Variants in CDH12 observed in about 807,000 individuals in gnomAD.
CDH12 encodes the protein cadherin-12.
A neutral mutation model predicts 74.1 loss-of-function variants in CDH12; 41 were observed. The ratio of observed to expected loss-of-function variants is 0.55; its 90% confidence interval spans 0.43 to 0.72. The LOEUF is 0.72. CDH12 is among the 30% of genes least tolerant of loss of function. The pLI is 0.00. For synonymous variants in CDH12, 399 were observed against 355.0 expected (o/e 1.12, Z -1.39); for missense variants, 945 against 977.2 (o/e 0.97, Z 0.44).
intron 5 of CDH12, among the ~76,000 whole-genome samples, chr5:22,035,477 G>T (rs1264185623): frequency 6.6e-6 from 1 of 151,740 alleles, no homozygotes; most frequent in Non-Finnish European, 1.5e-5. Flanking sequence ...AAAAACATGT[G>T]AAAACTGTAA....
At chr5:21,832,916 AT>A in intron 8 of CDH12, among the ~76,000 whole-genome samples, 1 of 56,104 alleles carries the variant, frequency 1.8e-5, no homozygotes, top group Non-Finnish European at 2.5e-5. Flanking sequence ...ATGATATAAT[AT>A]TAATATATAT....
chr5:22,221,005 CACAG>C (rs960574705), intron 3 of CDH12, among the ~76,000 whole-genome samples: 9 of 151,632 alleles, frequency 5.9e-5, no homozygotes, highest in African/African-American at 1.9e-4. Flanking sequence ...CACACACACA[CACAG>C]ACACACACAG....
At chr5:21,772,770 G>T (rs79044312) in intron 11 of CDH12, among the ~76,000 whole-genome samples, 4,929 of 152,108 alleles carry the variant, frequency 0.032, 188 homozygotes, top group East Asian at 0.15. Context: ...ATATTAAAAA[G>T]AATTTTATCT....
In CDH12 at chr5:21,755,713, C is replaced by T. The variant is rs377360148; in HGVS notation, c.1763G>A (p.Arg588Gln). The T allele has an allele frequency of 1.2e-4, 188 of 1,613,948 alleles. No homozygotes were observed. Among genetic ancestry groups the T allele is most frequent in the Middle Eastern group, 1.6e-4 (1 of 6,084 alleles). ...GCCATCAGAGTCACATCTACAGACT[C>T]GAATAGTCATTGTGTTTGTGCTGCT... Reference protein sequence around the residue: ...VQSSTNTMTIRVCRCDSDGTI... With the variant: ...VQSSTNTMTIQVCRCDSDGTI... Residue 588 changes from arginine (R) to glutamine (Q), a missense_variant, in exon 14 of 15, where the codon CGA becomes CAA. Around this residue, in one of 3 missense-constraint regions of CDH12, gnomAD observed 791 missense variants for 792.8 expected, o/e 1.00. Coordinates refer to ENST00000382254, the MANE Select transcript of CDH12 (RefSeq NM_004061.5).
chr5:21,768,802 G>C (rs376243719), intron 11 of CDH12, among the ~76,000 whole-genome samples: 6 of 152,036 alleles, frequency 3.9e-5, no homozygotes, highest in Non-Finnish European at 1.5e-5. Flanking sequence ...GCCTTGATAC[G>C]AAAACCAATT....
At chr5:22,281,002 G>A (rs572521794) in intron 3 of CDH12, among the ~76,000 whole-genome samples, 1 of 152,272 alleles carries the variant, frequency 6.6e-6, no homozygotes, top group Admixed American at 6.5e-5. Context: ...GAATCCAGCA[G>A]CCCATCAAAA....
intron 5 of CDH12, among the ~76,000 whole-genome samples, chr5:22,051,656 G>A (rs1053408349): frequency 6.6e-6 from 1 of 152,024 alleles, no homozygotes; most frequent in Non-Finnish European, 1.5e-5. Context: ...TACAATAAAA[G>A]AGTCTTTCTT....
At chr5:21,783,013 C>A (rs537312068) in intron 11 of CDH12, among the ~76,000 whole-genome samples, 1 of 152,058 alleles carries the variant, frequency 6.6e-6, no homozygotes, top group African/African-American at 2.4e-5. Context: ...AATTATTTCC[C>A]CTCACCTGGC....
At chr5:22,664,408 G>T (rs749691452) in intron 1 of CDH12, among the ~76,000 whole-genome samples, 13 of 152,118 alleles carry the variant, frequency 8.5e-5, no homozygotes, top group Non-Finnish European at 1.6e-4. Context: ...AGTGCCAAGC[G>T]AAGGGGAGAA....
chr5:22,805,833 G>A (rs887241935), intron 1 of CDH12, among the ~76,000 whole-genome samples: 8 of 151,704 alleles, frequency 5.3e-5, no homozygotes, highest in Admixed American at 3.9e-4. Context: ...GACAGGCCCC[G>A]GTGTGTGATG....
At chr5:22,630,235 A>C (rs556239823) in intron 1 of CDH12, among the ~76,000 whole-genome samples, 1 of 152,196 alleles carries the variant, frequency 6.6e-6, no homozygotes, top group South Asian at 2.1e-4. Flanking sequence ...AACATCATTC[A>C]TCACAGAATT....
chr5:22,301,322 T>C (rs1737870471), intron 3 of CDH12, among the ~76,000 whole-genome samples: 1 of 152,198 alleles, frequency 6.6e-6, no homozygotes, highest in Non-Finnish European at 1.5e-5. Flanking sequence ...ACTATCCACC[T>C]GGCACAGGTC....
At chr5:21,827,405 T>C (rs373739889) in intron 8 of CDH12, among the ~76,000 whole-genome samples, 2 of 152,024 alleles carry the variant, frequency 1.3e-5, no homozygotes, top group Non-Finnish European at 2.9e-5. Flanking sequence ...AAAAAGGTCA[T>C]TAGGAGATGT....
intron 1 of CDH12, among the ~76,000 whole-genome samples, chr5:22,652,995 C>A (rs944945291): frequency 6.6e-6 from 1 of 152,136 alleles, no homozygotes; most frequent in Non-Finnish European, 1.5e-5. Flanking sequence ...TGGGGGAACA[C>A]TAAACACTTG....
chr5:21,952,292 T>C (rs538576526), intron 6 of CDH12, among the ~76,000 whole-genome samples: 54 of 152,264 alleles, frequency 3.5e-4, no homozygotes, highest in African/African-American at 1.2e-3. Flanking sequence ...CTGAGTGTTC[T>C]TAGGTAAAAG....
chr5:22,462,944 A>G (rs1054415771), intron 2 of CDH12, among the ~76,000 whole-genome samples: 1 of 152,206 alleles, frequency 6.6e-6, no homozygotes, highest in Non-Finnish European at 1.5e-5. Flanking sequence ...TTGTTTCATT[A>G]AAGATTCCAA....
chr5:22,314,818 A>C (rs944055327), intron 3 of CDH12, among the ~76,000 whole-genome samples: 2 of 152,126 alleles, frequency 1.3e-5, no homozygotes, highest in Non-Finnish European at 2.9e-5. Context: ...AGAGGAATTC[A>C]AGGTCATTAG....
At chr5:22,767,968 T>C (rs531403884) in intron 1 of CDH12, among the ~76,000 whole-genome samples, 1 of 152,142 alleles carries the variant, frequency 6.6e-6, no homozygotes, top group East Asian at 1.9e-4. Flanking sequence ...ATTTTTTATA[T>C]GCTGATCATA....
intron 6 of CDH12, among the ~76,000 whole-genome samples, chr5:21,868,514 C>A (rs555391297): frequency 6.6e-6 from 1 of 152,122 alleles, no homozygotes; most frequent in Non-Finnish European, 1.5e-5. Context: ...CTTTCTGAGG[C>A]CTTGGGGGCC....
Sources: gnomAD v4.1 joint callset for allele counts (sites outside exome capture counted in the v4.1 genomes callset) on GRCh38, gnomAD v4.1.1 for gene constraint, gnomAD v4.1.1 regional missense constraint, MANE v1.5 for transcripts, NCBI Gene and HGNC (gene_info 2026-07-23, HGNC 2026-07-21) for gene names.